The following PID1 variants were observed in gnomAD, a reference collection of about 807,000 sequenced individuals.
PID1 encodes the protein PTB-containing, cubilin and LRP1-interacting protein.
In PID1, 10 loss-of-function variants were observed where a neutral mutation model predicts 19.1. The observed-to-expected ratio is 0.52, with a 90% CI of 0.32 to 0.89. PID1 has a LOEUF of 0.89. Among genes scored for constraint, PID1 ranks in the 40% least tolerant of loss-of-function variants. The probability of loss-of-function intolerance (pLI) is 0.03; values close to 1 mark genes in which losing one functional copy is unlikely to be tolerated. For missense variants in PID1, 248 were observed against 285.3 expected, an observed-to-expected ratio of 0.87 and a Z score of 0.94; for synonymous variants, 130 against 116.0, an observed-to-expected ratio of 1.12 and a Z score of -0.78.
At chr2:229,126,413 A>G (rs919551453) in intron 2 of PID1, among the ~76,000 whole-genome samples, 5 of 152,228 alleles carry the variant, frequency 3.3e-5, no homozygotes, top group Admixed American at 1.3e-4. Flanking sequence ...ACCAACTGGG[A>G]ATGGTCTGGC....
intron 2 of PID1, among the ~76,000 whole-genome samples, chr2:229,147,752 A>C (rs1690165500): frequency 6.6e-6 from 1 of 152,180 alleles, no homozygotes; most frequent in Non-Finnish European, 1.5e-5. Flanking sequence ...CTGATCCCCC[A>C]GGAGTTTTTA....
chr2:229,263,573 G>C (rs910552401), intron 1 of PID1, among the ~76,000 whole-genome samples: 2 of 152,162 alleles, frequency 1.3e-5, no homozygotes, highest in African/African-American at 2.4e-5. Context: ...ATGACCATCT[G>C]CTGCCTGAAC....
At chr2:229,035,258 T>C (rs1219582533) in intron 2 of PID1, among the ~76,000 whole-genome samples, 2 of 152,170 alleles carry the variant, frequency 1.3e-5, no homozygotes, top group Non-Finnish European at 2.9e-5. Context: ...AAGACCTTAG[T>C]AGAGAGAACA....
chr2:229,251,592 C>A (rs1020715022), intron 1 of PID1, among the ~76,000 whole-genome samples: 4 of 152,078 alleles, frequency 2.6e-5, no homozygotes, highest in African/African-American at 9.7e-5. Context: ...CGTTATGCTA[C>A]ATAAAAATTC....
chr2:229,177,921 A>C (rs182839305), intron 1 of PID1, among the ~76,000 whole-genome samples: 1 of 152,284 alleles, frequency 6.6e-6, no homozygotes, highest in African/African-American at 2.4e-5. Context: ...AACTGAGCCC[A>C]CAGGTGTGCA....
chr2:229,081,286 T>C (rs1327968446), intron 2 of PID1, among the ~76,000 whole-genome samples: 1 of 152,184 alleles, frequency 6.6e-6, no homozygotes, highest in Non-Finnish European at 1.5e-5. Context: ...CCAAGGTAGT[T>C]AAAACATGAT....
chr2:229,101,434 G>A (rs992704344), intron 2 of PID1, among the ~76,000 whole-genome samples: 3 of 152,116 alleles, frequency 2.0e-5, no homozygotes, highest in Non-Finnish European at 4.4e-5. Context: ...AGCCAGTGTA[G>A]GCATGTGCAG....
intron 2 of PID1, among the ~76,000 whole-genome samples, chr2:229,148,780 A>G (rs1690188302): frequency 6.6e-6 from 1 of 151,276 alleles, no homozygotes. Context: ...GGGAGGGAAG[A>G]AGGAAGGGAG....
At chr2:229,241,759 A>T (rs1689875849) in intron 1 of PID1, among the ~76,000 whole-genome samples, 1 of 152,160 alleles carries the variant, frequency 6.6e-6, no homozygotes, top group Non-Finnish European at 1.5e-5. Context: ...TCTCTGCTGA[A>T]GTTAAAATAG....
intron 1 of PID1, among the ~76,000 whole-genome samples, chr2:229,189,755 C>G (rs1039547788): frequency 1.3e-5 from 2 of 152,212 alleles, no homozygotes; most frequent in East Asian, 3.9e-4. Context: ...TAATCCATAA[C>G]GCAGAACAGT....
intron 1 of PID1, among the ~76,000 whole-genome samples, chr2:229,191,083 T>A (rs1334271496): frequency 6.6e-6 from 1 of 152,142 alleles, no homozygotes; most frequent in African/African-American, 2.4e-5. Context: ...GAGTTGGGTT[T>A]CTCAGCCTCA....
intron 2 of PID1, among the ~76,000 whole-genome samples, chr2:229,083,108 C>G (rs917730): frequency 1 from 152,332 of 152,334 alleles, 76,165 homozygotes; most frequent in Non-Finnish European, 1. Context: ...GATGAATTTG[C>G]GAAAGGCACC....
At chr2:229,137,828 T>A (rs770222323) in intron 2 of PID1, among the ~76,000 whole-genome samples, 1 of 152,166 alleles carries the variant, frequency 6.6e-6, no homozygotes, top group African/African-American at 2.4e-5. Flanking sequence ...CATACACACA[T>A]CAAGGCCATT....
intron 2 of PID1, among the ~76,000 whole-genome samples, chr2:229,115,394 A>G (rs1240189043): frequency 1.7e-4 from 15 of 87,940 alleles, no homozygotes; most frequent in Non-Finnish European, 3.0e-4. Context: ...AGTCCCAGCT[A>G]CTCTGGAGAA....
intron 1 of PID1, among the ~76,000 whole-genome samples, chr2:229,239,303 A>C (rs1689806876): frequency 6.6e-6 from 1 of 152,134 alleles, no homozygotes; most frequent in Admixed American, 6.6e-5. Flanking sequence ...CTGTAGAAGA[A>C]GTTTATAGTC....
intron 1 of PID1, among the ~76,000 whole-genome samples, chr2:229,200,857 G>A (rs1298797436): frequency 6.6e-6 from 1 of 152,098 alleles, no homozygotes; most frequent in Admixed American, 6.5e-5. Context: ...AAAGGGGAAT[G>A]CCTCACCTGT....
chr2:229,065,729 A>AAAAAAAG (rs765746020), intron 2 of PID1, among the ~76,000 whole-genome samples: 1 of 140,678 alleles, frequency 7.1e-6, no homozygotes, highest in African/African-American at 2.8e-5. Flanking sequence ...AAAAAAAAAA[A>AAAAAAAG]AAACAGGTTG....
In PID1 at chr2:229,248,859, T is replaced by C. The variant is rs142672167; in HGVS notation, c.30+22155A>G. On this transcript the variant is annotated intron_variant, in intron 1 of 2. Transcript: ENST00000392055. ...AAGCCAAGGGGCCTTCTGTGTCATG[T>C]TGAAATAACTTTTTTTTTCTGAGCA... Among the ~76,000 whole-genome samples the C allele has an allele frequency of 9.7e-4, 148 of 152,312 alleles. 1 individual carries two copies. Among genetic ancestry groups the C allele is most frequent in the African/African-American group, 3.0e-3 (126 of 41,570 alleles).
chr2:229,028,097 AT>A (rs1693465357), intron 2 of PID1, among the ~76,000 whole-genome samples: 2 of 152,216 alleles, frequency 1.3e-5, no homozygotes, highest in Admixed American at 6.5e-5. Flanking sequence ...AGAGGGAATA[AT>A]ATTGCAGGAC....
Sources: allele counts gnomAD v4.1 joint callset (sites outside exome capture counted in the v4.1 genomes callset), GRCh38; gene constraint gnomAD v4.1.1; transcripts MANE v1.5; gene names NCBI Gene and HGNC (gene_info 2026-07-23, HGNC 2026-07-21).